Variants in C8orf34 observed in about 807,000 individuals in gnomAD.
C8orf34 encodes uncharacterized protein C8orf34.
C8orf34 carries 65 observed loss-of-function variants against 68.3 expected under a neutral mutation model. That is an observed-to-expected ratio of 0.95 (90% CI 0.78 to 1.17). C8orf34 has a LOEUF of 1.17. C8orf34 is among the 50% of genes most tolerant of loss of function. The pLI is 0.00. For missense variants in C8orf34, 664 were observed against 655.4 expected (o/e 1.01, Z -0.14); for synonymous variants, 244 against 241.2 (o/e 1.01, Z -0.11).
At chr8:68,747,806 C>T (rs1331538909) in intron 10 of C8orf34, among the ~76,000 whole-genome samples, 1 of 151,548 alleles carries the variant, frequency 6.6e-6, no homozygotes, top group East Asian at 1.9e-4. Flanking sequence ...AATGGCCATA[C>T]TGCCCAAGGT....
intron 3 of C8orf34, among the ~76,000 whole-genome samples, chr8:68,468,406 T>A (rs886814736): frequency 6.6e-6 from 1 of 152,060 alleles, no homozygotes; most frequent in Non-Finnish European, 1.5e-5. Flanking sequence ...ACACTTTGCC[T>A]GTGTGTTTCT....
intron 4 of C8orf34, among the ~76,000 whole-genome samples, chr8:68,481,155 G>A (rs900801596): frequency 2.0e-5 from 3 of 152,130 alleles, no homozygotes; most frequent in Admixed American, 6.5e-5. Flanking sequence ...AGCTGAAAGG[G>A]GCCAATGTAC....
chr8:68,738,918 CT>C (rs1242212360), intron 10 of C8orf34, among the ~76,000 whole-genome samples: 1 of 152,078 alleles, frequency 6.6e-6, no homozygotes, highest in Non-Finnish European at 1.5e-5. Context: ...GGAGGGGCTC[CT>C]CCCTAACATT....
At chr8:68,333,860 C>T (rs1805735340) in intron 1 of C8orf34, among the ~76,000 whole-genome samples, 3 of 152,172 alleles carry the variant, frequency 2.0e-5, no homozygotes. Context: ...TGTGTTGAGT[C>T]AGTGTAGCTG....
chr8:68,722,742 C>T (rs1320618557), intron 10 of C8orf34, among the ~76,000 whole-genome samples: 1 of 151,980 alleles, frequency 6.6e-6, no homozygotes, highest in East Asian at 1.9e-4. Context: ...ACTTCCACAT[C>T]TCTAGAGGAG....
chr8:68,340,221 A>G (rs146019599), intron 1 of C8orf34, among the ~76,000 whole-genome samples: 2 of 152,254 alleles, frequency 1.3e-5, no homozygotes, highest in Non-Finnish European at 2.9e-5. Flanking sequence ...TATTTCTAGT[A>G]GCCCCAAATT....
chr8:68,749,837 T>A (rs1354104686), intron 10 of C8orf34, among the ~76,000 whole-genome samples: 1 of 152,218 alleles, frequency 6.6e-6, no homozygotes, highest in Non-Finnish European at 1.5e-5. Context: ...TAGTACTCCC[T>A]GTTTGGATTC....
In C8orf34 at chr8:68,350,125, T is replaced by C. The variant is rs553785238; in HGVS notation, c.327+18786T>C. Reference sequence around the variant, plus strand: ...TTAGAGCTATGAATTTCGCTCTTAATACTGCCTTAGCTGTGTCCCAGAGAT... The same window carrying C: ...TTAGAGCTATGAATTTCGCTCTTAACACTGCCTTAGCTGTGTCCCAGAGAT... On this transcript the variant is annotated intron_variant, in intron 1 of 13. Coordinates refer to ENST00000518698, the MANE Select transcript of C8orf34 (RefSeq NM_052958.4). 2.1e-4 allele frequency among the ~76,000 whole-genome samples: 32 copies of C among 152,082 alleles called. 1 individual carries two copies. Among genetic ancestry groups the C allele is most frequent in the Middle Eastern group, 6.8e-3 (2 of 294 alleles).
At chr8:68,351,835 G>A (rs1806524188) in intron 1 of C8orf34, among the ~76,000 whole-genome samples, 1 of 152,062 alleles carries the variant, frequency 6.6e-6, no homozygotes, top group Admixed American at 6.6e-5. Context: ...AATGAGTCCT[G>A]TTGCTTCACA....
intron 8 of C8orf34, among the ~76,000 whole-genome samples, chr8:68,670,820 C>T (rs1246818409): frequency 2.0e-5 from 3 of 152,096 alleles, no homozygotes; most frequent in African/African-American, 4.8e-5. Context: ...TTTCAGTAAA[C>T]CTTCAATGAG....
intron 5 of C8orf34, among the ~76,000 whole-genome samples, chr8:68,493,008 A>G (rs950645204): frequency 6.6e-6 from 1 of 152,242 alleles, no homozygotes; most frequent in African/African-American, 2.4e-5. Context: ...TTTAGTGACT[A>G]TTAAAACTAA....
intron 10 of C8orf34, among the ~76,000 whole-genome samples, chr8:68,723,831 C>T (rs1328274427): frequency 2.6e-5 from 4 of 152,098 alleles, no homozygotes; most frequent in East Asian, 1.9e-4. Context: ...TTTATTTGAC[C>T]GAAGTTTTCA....
At chr8:68,551,234 A>G (rs1275683962) in intron 7 of C8orf34, among the ~76,000 whole-genome samples, 2 of 151,254 alleles carry the variant, frequency 1.3e-5, no homozygotes, top group Non-Finnish European at 3.0e-5. Context: ...TTTTGTTTTG[A>G]AAGTTTTATT....
chr8:68,514,980 A>G (rs909920512), intron 5 of C8orf34, among the ~76,000 whole-genome samples: 2 of 152,224 alleles, frequency 1.3e-5, no homozygotes, highest in Non-Finnish European at 2.9e-5. Context: ...GGAATGGAAC[A>G]GATATGAGTC....
chr8:68,814,275 T>C (rs989303323), intron 12 of C8orf34, among the ~76,000 whole-genome samples: 11 of 152,198 alleles, frequency 7.2e-5, no homozygotes, highest in African/African-American at 2.4e-4. Flanking sequence ...AACTCTGATG[T>C]TGGAGCCCAG....
At chr8:68,650,062 A>AT (rs1411178072) in intron 8 of C8orf34, among the ~76,000 whole-genome samples, 1 of 151,824 alleles carries the variant, frequency 6.6e-6, no homozygotes, top group Non-Finnish European at 1.5e-5. Flanking sequence ...TTTTAGAAAA[A>AT]AAAAAGAAAT....
At chr8:68,630,213 G>A (rs1585640894) in intron 7 of C8orf34, among the ~76,000 whole-genome samples, 1 of 151,534 alleles carries the variant, frequency 6.6e-6, no homozygotes, top group Non-Finnish European at 1.5e-5. Flanking sequence ...AAATTTTCTA[G>A]TACTCACATT....
intron 8 of C8orf34, among the ~76,000 whole-genome samples, chr8:68,665,138 T>G (rs1423009675): frequency 2.0e-5 from 3 of 152,184 alleles, no homozygotes; most frequent in Non-Finnish European, 4.4e-5. Flanking sequence ...AAAATGAAAT[T>G]CACATTTGTG....
intron 7 of C8orf34, among the ~76,000 whole-genome samples, chr8:68,550,977 T>A (rs925828068): frequency 6.6e-6 from 1 of 151,772 alleles, no homozygotes; most frequent in Non-Finnish European, 1.5e-5. Flanking sequence ...GCACATAGTA[T>A]GCCTAGGTAT....
Sources: gnomAD v4.1 joint callset for allele counts (sites outside exome capture counted in the v4.1 genomes callset) on GRCh38, gnomAD v4.1.1 for gene constraint, MANE v1.5 for transcripts, NCBI Gene and HGNC (gene_info 2026-07-23, HGNC 2026-07-21) for gene names.